HABP2: variants seen among roughly 807,000 people sequenced by gnomAD.
HABP2 encodes the protein factor VII-activating protease.
A neutral mutation model predicts 66.5 loss-of-function variants in HABP2; 65 were observed. The ratio of observed to expected loss-of-function variants is 0.98; its 90% CI spans 0.80 to 1.20. HABP2 has a LOEUF of 1.20. Among genes scored for constraint, HABP2 ranks in the 50% most tolerant of loss-of-function variants. The pLI is 0.00. For missense variants in HABP2, 786 were observed against 691.0 expected, an observed-to-expected ratio of 1.14 and a Z score of -1.54; for synonymous variants, 263 against 253.9, an observed-to-expected ratio of 1.04 and a Z score of -0.34.
At chr10:113,576,941 A>T (rs779037158) in intron 4 of HABP2, among the ~76,000 whole-genome samples, 19 of 152,194 alleles carry the variant, frequency 1.2e-4, no homozygotes, top group Non-Finnish European at 2.5e-4. Context: ...AAAAATTAAG[A>T]CTATGGGCAT....
intron 2 of HABP2, among the ~76,000 whole-genome samples, chr10:113,569,379 A>C (rs556860651): frequency 2.3e-4 from 35 of 152,298 alleles, no homozygotes; most frequent in Admixed American, 2.3e-3. Flanking sequence ...CAGTTTAAAA[A>C]CATCCCTGTT....
intron 1 of HABP2, among the ~76,000 whole-genome samples, chr10:113,553,807 C>A (rs1018020479): frequency 2.0e-5 from 3 of 152,132 alleles, no homozygotes; most frequent in Non-Finnish European, 2.9e-5. Context: ...GAAGGGAAGT[C>A]CCATCAGAGA....
intron 8 of HABP2, among the ~76,000 whole-genome samples, chr10:113,581,197 G>A (rs1190123847): frequency 1.3e-5 from 2 of 152,080 alleles, no homozygotes; most frequent in Admixed American, 6.6e-5. Flanking sequence ...TGATCTTATG[G>A]TTACTTCTGT....
chr10:113,575,963 G>T lies in HABP2; in HGVS notation c.290G>T (p.Cys97Phe). 2 of 1,611,024 alleles carry T rather than the reference G, an allele frequency of 1.2e-6. No homozygotes were observed. Among genetic ancestry groups the T allele is most frequent in the Non-Finnish European group, 1.7e-6 (2 of 1,177,180 alleles). Reference protein sequence around the residue: ...DCLVHGSTFTCSCLAPFSGNK... With the variant: ...DCLVHGSTFTFSCLAPFSGNK... Reference sequence around the variant, plus strand: ...CTCGTCCATGGGAGCACCTTCACATGCAGCTGCCTGGCTCCTTTCTCTGGG... The same window carrying T: ...CTCGTCCATGGGAGCACCTTCACATTCAGCTGCCTGGCTCCTTTCTCTGGG... The change falls in exon 4 of 13, where the codon TGC (cysteine) becomes TTC (phenylalanine). Residue 97 changes from cysteine to phenylalanine, a missense_variant. By Grantham distance (205) the Cys-to-Phe change is radical. Coordinates refer to ENST00000351270, the MANE Select transcript of HABP2 (RefSeq NM_004132.5).
rs541575164 is a variant in HABP2 at position 113,556,724 on chromosome 10, T to A, written c.69+3534T>A. 2.6e-4 allele frequency among the ~76,000 whole-genome samples: 37 copies of A among 140,648 alleles called. No homozygotes were observed. The East Asian group carries it at 6.7e-3, about 26-fold the overall frequency. 92.3% of individuals were successfully genotyped at this position (140,648 alleles called of 152,430 possible). On this transcript the variant is annotated intron_variant, in intron 1 of 12. Coordinates refer to ENST00000351270, the MANE Select transcript of HABP2 (RefSeq NM_004132.5). ...GCAAGACTCCATCTCAAAAAAAGTT[T>A]AAAAAAAAAAAGAAAGAAAGAAAAA...
intron 11 of HABP2, 42 bp from the exon 12 acceptor site, chr10:113,585,751 G>A (rs749847926): frequency 2.6e-6 from 4 of 1,560,716 alleles, no homozygotes; most frequent in Non-Finnish European, 3.5e-6. Flanking sequence ...TGCCACCCTG[G>A]TCCCCACAGT....
chr10:113,584,429 C>T, intron 11 of HABP2, 147 bp downstream of exon 11: 1 of 700,234 alleles, frequency 1.4e-6, no homozygotes, highest in South Asian at 1.8e-5. Flanking sequence ...ATTGATCAAG[C>T]TCTGGTTAAA....
At chr10:113,554,152 T>G (rs1226534225) in intron 1 of HABP2, among the ~76,000 whole-genome samples, 2 of 152,214 alleles carry the variant, frequency 1.3e-5, no homozygotes, top group African/African-American at 4.8e-5. Flanking sequence ...AACGAGGTCA[T>G]GTATGTGGCT....
At chr10:113,587,293 G>A (rs1845659790) in intron 12 of HABP2, among the ~76,000 whole-genome samples, 1 of 151,956 alleles carries the variant, frequency 6.6e-6, no homozygotes, top group African/African-American at 2.4e-5. Flanking sequence ...CTCCAGCCTG[G>A]GCAACAAAGC....
upstream of HABP2, among the ~76,000 whole-genome samples, chr10:113,552,530 A>C (rs1239680663): frequency 6.6e-6 from 1 of 152,238 alleles, no homozygotes; most frequent in Non-Finnish European, 1.5e-5. Context: ...TGAGGTTTAA[A>C]ACAAAACTTT....
intron 1 of HABP2, among the ~76,000 whole-genome samples, chr10:113,557,302 A>AT (rs988101199): frequency 3.1e-4 from 47 of 151,570 alleles, no homozygotes; most frequent in Non-Finnish European, 5.7e-4. Context: ...ATTCTCATAG[A>AT]TTTTTTTTTA....
At chr10:113,580,076 G>T (rs554816968) in intron 7 of HABP2, among the ~76,000 whole-genome samples, 1 of 151,458 alleles carries the variant, frequency 6.6e-6, no homozygotes, top group Non-Finnish European at 1.5e-5. Context: ...CACTGCACCC[G>T]GCCATGAAGA....
chr10:113,560,455 G>A (rs1006233169), intron 1 of HABP2, among the ~76,000 whole-genome samples: 2 of 152,216 alleles, frequency 1.3e-5, no homozygotes, highest in African/African-American at 4.8e-5. Flanking sequence ...GTGGAAAACA[G>A]TATGGCGGTC....
At chr10:113,570,558 T>C (rs1477314601) in intron 2 of HABP2, among the ~76,000 whole-genome samples, 2 of 152,202 alleles carry the variant, frequency 1.3e-5, no homozygotes, top group Non-Finnish European at 2.9e-5. Context: ...AATCTACCAG[T>C]GGAACCAAAA....
intron 2 of HABP2, among the ~76,000 whole-genome samples, chr10:113,568,832 A>G (rs544854308): frequency 1.3e-5 from 2 of 152,158 alleles, no homozygotes; most frequent in African/African-American, 4.8e-5. Flanking sequence ...TGGAAGAAAA[A>G]GAAGTGCGGA....
At chr10:113,575,658 A>G (rs1845394560) in intron 3 of HABP2, among the ~76,000 whole-genome samples, 1 of 152,112 alleles carries the variant, frequency 6.6e-6, no homozygotes, top group Non-Finnish European at 1.5e-5. Context: ...CCGAGGGGAG[A>G]CAGTCGTGGT....
intron 1 of HABP2, among the ~76,000 whole-genome samples, chr10:113,556,553 A>G (rs1458399325): frequency 2.0e-5 from 3 of 151,994 alleles, no homozygotes; most frequent in African/African-American, 7.3e-5. Flanking sequence ...TATCAAAAAA[A>G]ATTTTTTTTA....
At chr10:113,565,117 T>C (rs1291162596) in intron 1 of HABP2, among the ~76,000 whole-genome samples, 1 of 152,254 alleles carries the variant, frequency 6.6e-6, no homozygotes, top group African/African-American at 2.4e-5. Flanking sequence ...GTGCTGGGAT[T>C]ACAGGCGTGA....
intron 1 of HABP2, among the ~76,000 whole-genome samples, chr10:113,566,296 G>T (rs1403262956): frequency 1.3e-5 from 2 of 152,208 alleles, no homozygotes; most frequent in Non-Finnish European, 2.9e-5. Flanking sequence ...AAACAAACAG[G>T]CATGGTTGTT....
Sources: gnomAD v4.1 joint callset for allele counts (sites outside exome capture counted in the v4.1 genomes callset) on GRCh38, gnomAD v4.1.1 for gene constraint, MANE v1.5 for transcripts, NCBI Gene and HGNC (gene_info 2026-07-23, HGNC 2026-07-21) for gene names.